The following STAC variants were observed in gnomAD, a reference collection of about 807,000 sequenced individuals.
The protein encoded by STAC is SH3 and cysteine-rich domain-containing protein.
Under a neutral mutation model 48.8 loss-of-function variants are expected in STAC, and 43 were observed. That is an observed-to-expected ratio of 0.88 (90% CI 0.69 to 1.14). The LOEUF is 1.14. Ranked by LOEUF, STAC falls within the 50% of genes most tolerant of loss-of-function variation. STAC has a pLI of 0.00. For missense variants in STAC, 497 were observed against 504.0 expected, an observed-to-expected ratio of 0.99 and a Z score of 0.13; for synonymous variants, 193 against 179.5, an observed-to-expected ratio of 1.07 and a Z score of -0.60.
intron 2 of STAC, among the ~76,000 whole-genome samples, chr3:36,474,855 C>T (rs1006340285): frequency 6.6e-6 from 1 of 152,110 alleles, no homozygotes; most frequent in Non-Finnish European, 1.5e-5. Context: ...CAGGAAATTG[C>T]CTAATGGTGC....
At chr3:36,523,110 C>T (rs11711958) in intron 8 of STAC, among the ~76,000 whole-genome samples, 15,828 of 152,220 alleles carry the variant, frequency 0.1, 1,063 homozygotes, top group Non-Finnish European at 0.15. Context: ...TTGGTTCTCA[C>T]GCACATGTGT....
intron 8 of STAC, among the ~76,000 whole-genome samples, chr3:36,516,497 T>C (rs1259808034): frequency 1.3e-5 from 2 of 152,156 alleles, no homozygotes; most frequent in Non-Finnish European, 1.5e-5. Context: ...AAACTTCCTT[T>C]ATTTTTTTTC....
intron 1 of STAC, among the ~76,000 whole-genome samples, chr3:36,415,780 T>C (rs1458271657): frequency 1.3e-5 from 2 of 152,174 alleles, no homozygotes; most frequent in Non-Finnish European, 2.9e-5. Context: ...TTAACTCAAC[T>C]GTAAATTTGT....
intron 5 of STAC, among the ~76,000 whole-genome samples, chr3:36,490,816 G>A (rs553675763): frequency 2.6e-5 from 4 of 152,318 alleles, no homozygotes; most frequent in African/African-American, 9.6e-5. Flanking sequence ...CTCTAATATA[G>A]CTTTGTCTTT....
In STAC at chr3:36,546,278, G is replaced by A. The variant is rs998388266; in HGVS notation, c.1198G>A (p.Glu400Lys). The change falls in exon 11 of 11, where the codon GAA becomes AAA. Residue 400 changes from glutamate (E) to lysine (K), a missense_variant. Transcript: ENST00000273183. ...AGGCCTCATCCCCCTTGATGTACTA[G>A]AAAACATCTGATTGCTGGCTCCTCC... is the stretch of plus-strand genomic sequence containing the variant. Reference protein sequence around the residue: ...KKGLIPLDVLENI With the variant: ...KKGLIPLDVLKNI 6.2e-7 allele frequency: 1 copy of A among 1,613,792 alleles called. No homozygotes were observed. Among genetic ancestry groups the A allele is most frequent in the African/African-American group, 1.3e-5 (1 of 74,912 alleles).
intron 2 of STAC, among the ~76,000 whole-genome samples, chr3:36,452,595 G>T (rs1696714075): frequency 6.6e-6 from 1 of 152,226 alleles, no homozygotes; most frequent in Non-Finnish European, 1.5e-5. Context: ...ATTATCATTA[G>T]AAATATGGTT....
At chr3:36,391,690 G>A (rs1699754593) in intron 1 of STAC, among the ~76,000 whole-genome samples, 1 of 152,206 alleles carries the variant, frequency 6.6e-6, no homozygotes, top group Non-Finnish European at 1.5e-5. Flanking sequence ...TGATGATCCT[G>A]AGCGGGGCGG....
intron 10 of STAC, among the ~76,000 whole-genome samples, chr3:36,534,116 G>T (rs1699139480): frequency 1.3e-5 from 2 of 152,282 alleles, no homozygotes; most frequent in African/African-American, 2.4e-5. Context: ...GTTAATTGCA[G>T]GGAGTATGTA....
intron 1 of STAC, among the ~76,000 whole-genome samples, chr3:36,418,229 T>G (rs1319519983): frequency 6.6e-6 from 1 of 152,240 alleles, no homozygotes. Flanking sequence ...CAATATGCAC[T>G]ATTTCCTTTG....
At chr3:36,483,238 G>A (rs4678880) in intron 3 of STAC, 146 bp downstream of exon 3, 68,825 of 602,516 alleles carry the variant, frequency 0.11, 4,476 homozygotes, top group Admixed American at 0.19. Context: ...CCTAATTGGC[G>A]TAATCAGAAA....
chr3:36,509,015 T>C (rs1698472016), intron 8 of STAC, among the ~76,000 whole-genome samples: 4 of 152,208 alleles, frequency 2.6e-5, no homozygotes. Flanking sequence ...ATGGTGTCAA[T>C]GGTCTTTACA....
At chr3:36,485,159 G>A (rs1057408830) in intron 4 of STAC, 101 bp downstream of exon 4, 3 of 954,228 alleles carry the variant, frequency 3.1e-6, no homozygotes, top group Non-Finnish European at 4.6e-6. Context: ...GGGTATCTCT[G>A]TGTGTTTGTT....
chr3:36,511,791 G>A (rs2125717819), intron 8 of STAC, among the ~76,000 whole-genome samples: 1 of 152,258 alleles, frequency 6.6e-6, no homozygotes, highest in South Asian at 2.1e-4. Context: ...CCACCTCAGT[G>A]AAATTACCCT....
chr3:36,400,147 G>T (rs1373328137), intron 1 of STAC, among the ~76,000 whole-genome samples: 1 of 152,152 alleles, frequency 6.6e-6, no homozygotes, highest in Non-Finnish European at 1.5e-5. Flanking sequence ...TTTCACACAG[G>T]ATAAGTAGTT....
chr3:36,476,804 T>C (rs1333687219), intron 2 of STAC, among the ~76,000 whole-genome samples: 3 of 152,190 alleles, frequency 2.0e-5, no homozygotes, highest in African/African-American at 7.2e-5. Context: ...AAATTATCCA[T>C]TGCTTTTGCT....
chr3:36,462,900 A>G (rs1035737627), intron 2 of STAC, among the ~76,000 whole-genome samples: 4 of 152,158 alleles, frequency 2.6e-5, no homozygotes, highest in Admixed American at 2.6e-4. Flanking sequence ...GTCACAGTTT[A>G]TGTCAGAATG....
At chr3:36,533,877 G>A (rs1308494159) in intron 10 of STAC, among the ~76,000 whole-genome samples, 1 of 152,062 alleles carries the variant, frequency 6.6e-6, no homozygotes, top group Non-Finnish European at 1.5e-5. Context: ...TTTAGGTTCA[G>A]GGGTACAACA....
intron 10 of STAC, among the ~76,000 whole-genome samples, chr3:36,530,833 G>T (rs1458746335): frequency 6.6e-6 from 1 of 151,792 alleles, no homozygotes; most frequent in Non-Finnish European, 1.5e-5. Context: ...CTGGACCTCA[G>T]GTGATCCACC....
chr3:36,538,337 T>C (rs186701358), intron 10 of STAC, among the ~76,000 whole-genome samples: 252 of 152,284 alleles, frequency 1.7e-3, no homozygotes, highest in African/African-American at 5.7e-3. Flanking sequence ...AAGCCTACAA[T>C]ATTTAGCATT....
Sources: gnomAD v4.1 joint callset for allele counts (sites outside exome capture counted in the v4.1 genomes callset) on GRCh38, gnomAD v4.1.1 for gene constraint, MANE v1.5 for transcripts, NCBI Gene and HGNC (gene_info 2026-07-23, HGNC 2026-07-21) for gene names.